Variants in CYB561A3 observed in about 807,000 individuals in gnomAD.
CYB561A3 encodes lysosomal membrane ascorbate-dependent ferrireductase CYB561A3.
A neutral mutation model predicts 25.3 loss-of-function variants in CYB561A3; 16 were observed. That is an observed-to-expected ratio of 0.63 (90% confidence interval 0.43 to 0.96). CYB561A3 has a LOEUF of 0.96. Ranked by LOEUF, CYB561A3 falls within the 40% of genes least tolerant of loss-of-function variation. The pLI, the probability that CYB561A3 is intolerant of heterozygous loss-of-function variation, is 0.00. For missense variants in CYB561A3, 219 were observed against 307.5 expected, an observed-to-expected ratio of 0.71 and a Z score of 2.15; for synonymous variants, 131 against 129.9, an observed-to-expected ratio of 1.01 and a Z score of -0.06.
chr11:61,352,119 C>T (rs531493726), intron 5 of CYB561A3: 1 of 152,300 alleles, frequency 6.6e-6, no homozygotes, highest in South Asian at 2.1e-4. Flanking sequence ...ATGGCACAGC[C>T]AAGATCGAAA....
At chr11:61,360,491 C>T (rs1165764971) in intron 1 of CYB561A3, 2 of 152,232 alleles carry the variant, frequency 1.3e-5, no homozygotes, top group African/African-American at 4.8e-5. Context: ...ACATAAACAT[C>T]TTAACAAATG....
intron 1 of CYB561A3, chr11:61,361,271 T>C (rs1193417908): frequency 6.6e-6 from 1 of 152,192 alleles, no homozygotes; most frequent in African/African-American, 2.4e-5. Flanking sequence ...CCCTCTCAGC[T>C]CTGAGGATTC....
At chr11:61,356,911 A>T in intron 2 of CYB561A3, 183 bp from the exon 3 acceptor site, 1 of 1,443,440 alleles carries the variant, frequency 6.9e-7, no homozygotes, top group Non-Finnish European at 9.0e-7. Flanking sequence ...CCTGATCTTC[A>T]GTCACAATGA....
intron 4 of CYB561A3, chr11:61,353,482 G>A (rs1404751358): frequency 2.4e-5 from 16 of 661,306 alleles, no homozygotes; most frequent in South Asian, 1.5e-4. Flanking sequence ...GTTCACAGAG[G>A]TGGGAGTGGG....
At chr11:61,353,446 T>G in intron 4 of CYB561A3, 1 of 646,170 alleles carries the variant, frequency 1.5e-6, no homozygotes, top group Non-Finnish European at 2.8e-6. Flanking sequence ...GATCAGAATA[T>G]GGAAACCACT....
chr11:61,356,874 C>T lies in CYB561A3; in HGVS notation c.-15-146G>A, dbSNP rs12291349. The T allele has an allele frequency of 4.9e-3, 7,149 of 1,450,496 alleles. 276 individuals are homozygous for T. The African/African-American group carries it at 0.085, about 17-fold the overall frequency. 89.9% of individuals were successfully genotyped at this position (1,450,496 alleles called of 1,614,324 possible). A position where few individuals can be genotyped will look rare whatever the true frequency, so the allele number is the denominator to read the frequency against. ...CTGCATCAGCCTGGGCACCACCCCC[C>T]GCCCGAGGCCTCAATGCCTGGGTGG... On this transcript the variant is annotated intron_variant, in intron 2 of 6. Transcript: ENST00000294072.
intron 4 of CYB561A3, chr11:61,353,577 G>A (rs929581820): frequency 1.4e-4 from 102 of 718,630 alleles, no homozygotes; most frequent in Non-Finnish European, 2.4e-4. Context: ...GACGAGAGAC[G>A]GGCAATGGGA....
intron 6 of CYB561A3, 181 bp downstream of exon 6, chr11:61,350,810 C>T: frequency 3.7e-6 from 3 of 818,290 alleles, no homozygotes; most frequent in Non-Finnish European, 3.7e-6. Context: ...CAGCATTTCA[C>T]TGGGATGCGC....
chr11:61,350,711 G>C, intron 6 of CYB561A3: 3 of 591,054 alleles, frequency 5.1e-6, no homozygotes, highest in Non-Finnish European at 8.8e-6. Flanking sequence ...CCCTTCCTTG[G>C]GGAAGAAGAT....
chr11:61,353,519 G>A, intron 4 of CYB561A3: 1 of 677,458 alleles, frequency 1.5e-6, no homozygotes, highest in Non-Finnish European at 2.7e-6. Context: ...TGGCTGATTA[G>A]AGTCAGCATA....
chr11:61,353,475 C>T (rs1032184318), intron 4 of CYB561A3: 3 of 655,820 alleles, frequency 4.6e-6, no homozygotes, highest in Non-Finnish European at 5.6e-6. Flanking sequence ...TCTTTTGGTT[C>T]ACAGAGGTGG....
At chr11:61,361,650 T>C (rs528441919) in intron 1 of CYB561A3, 83 bp downstream of exon 1, 6 of 152,164 alleles carry the variant, frequency 3.9e-5, no homozygotes, top group African/African-American at 1.4e-4. Flanking sequence ...AGCAAGGGGA[T>C]CGCGACAGTG....
intron 3 of CYB561A3, among the ~76,000 whole-genome samples, chr11:61,355,322 G>A (rs1857606685): frequency 6.6e-6 from 1 of 152,166 alleles, no homozygotes; most frequent in South Asian, 2.1e-4. Flanking sequence ...TTTTACAAAT[G>A]GGGAAAATGA....
intron 1 of CYB561A3, chr11:61,360,999 A>C (rs1857850190): frequency 6.6e-6 from 1 of 151,946 alleles, no homozygotes; most frequent in African/African-American, 2.4e-5. Flanking sequence ...AAAGAAAGAA[A>C]AAGAAAAAGG....
chr11:61,357,442 G>A, intron 2 of CYB561A3: 1 of 535,798 alleles, frequency 1.9e-6, no homozygotes, highest in South Asian at 2.3e-5. Flanking sequence ...TTTATTTTGA[G>A]ATTTCCACAA....
chr11:61,350,975 G>A lies in CYB561A3; in HGVS notation c.705+16C>T. The A allele has an allele frequency of 6.2e-7, 1 of 1,608,304 alleles. No individual in the cohort carries two copies. Among genetic ancestry groups the A allele is most frequent in the Non-Finnish European group, 8.5e-7 (1 of 1,177,370 alleles). ...TGGCCCTGTCCCACCCTGGAATGTG[G>A]GACTGGAACCCATACCTGTCTGTCG... On this transcript the variant is annotated intron_variant, in intron 6 of 6. Transcript: ENST00000294072.
At chr11:61,353,714 C>T in intron 4 of CYB561A3, 70 bp downstream of exon 4, 10 of 1,490,294 alleles carry the variant, frequency 6.7e-6, no homozygotes, top group South Asian at 5.7e-5. Flanking sequence ...ATTTGGTGCT[C>T]ATGCAAGTGA....
At chr11:61,359,237 A>AG (rs1399344222) in intron 1 of CYB561A3, 3 of 151,780 alleles carry the variant, frequency 2.0e-5, no homozygotes, top group African/African-American at 7.3e-5. Context: ...AAAAAAAAAA[A>AG]AAAAGAAAAG....
At position 61,350,097 on chromosome 11, in the gene CYB561A3, GCAGA is replaced by G. The variant is rs1177886128; in HGVS notation, c.*298_*301del. On this transcript the variant is annotated 3_prime_UTR_variant, in exon 7 of 7. Coordinates refer to ENST00000294072, the MANE Select transcript of CYB561A3 (RefSeq NM_153611.6). ...GCAGAAGCCAAAGCCACCAAGGAAA[GCAGA>G]CAGGCAGCAAGCAGCCAGAGAAGGC... The G allele has an allele frequency of 1.8e-6, 1 of 559,420 alleles. No individual in the cohort carries two copies. The highest frequency in any genetic ancestry group is 3.2e-6 in the Non-Finnish European group (1 of 313,152). 34.7% of individuals were successfully genotyped at this position (559,420 alleles called of 1,614,324 possible).
Sources: gnomAD v4.1 joint callset for allele counts (sites outside exome capture counted in the v4.1 genomes callset) on GRCh38, gnomAD v4.1.1 for gene constraint, MANE v1.5 for transcripts, NCBI Gene and HGNC (gene_info 2026-07-23, HGNC 2026-07-21) for gene names.